The following TBL1X variants were observed in gnomAD, a reference collection of about 807,000 sequenced individuals.
TBL1X encodes F-box-like/WD repeat-containing protein TBL1X.
In TBL1X, 10 loss-of-function variants were observed where a neutral mutation model predicts 50.7. The observed-to-expected ratio is 0.20, with a 90% confidence interval of 0.12 to 0.33. TBL1X has a LOEUF of 0.33. Among genes scored for constraint, TBL1X ranks in the 10% least tolerant of loss-of-function variants. The pLI, the probability that TBL1X is intolerant of heterozygous loss-of-function variation, is 1.00. For synonymous variants in TBL1X, 190 were observed against 214.7 expected, an observed-to-expected ratio of 0.88 and a Z score of 1.01; for missense variants, 340 against 504.4, an observed-to-expected ratio of 0.67 and a Z score of 3.12.
In TBL1X at chrX:9,709,441, C is replaced by T. The variant is rs879022542; in HGVS notation, c.1311+119C>T. 3.1e-6 allele frequency: 3 copies of T among 979,350 alleles called. No individual in the cohort carries two copies. In the South Asian group the frequency reaches 6.7e-5, roughly 22 times the overall value. The allele number at this position is 979,350 out of a possible 1,213,427, so 80.7% of individuals were successfully genotyped here. ...TTATTACTGACCACCCTCCCTTCCTCTGTCATCCGGTGAGCTACGATTTCT... is the reference window on the plus strand; with the variant it reads ...TTATTACTGACCACCCTCCCTTCCTTTGTCATCCGGTGAGCTACGATTTCT... On this transcript the variant is annotated intron_variant, in intron 14 of 17. Transcript: ENST00000645353.
At chrX:9,545,467 A>G (rs1164600651) in intron 2 of TBL1X, among the ~76,000 whole-genome samples, 1 of 108,589 alleles carries the variant, frequency 9.2e-6, no homozygotes, top group African/African-American at 3.4e-5. Context: ...GGATTGCTTG[A>G]GCCCAGGAGT....
chrX:9,653,108 T>C (rs1257581647), intron 3 of TBL1X, among the ~76,000 whole-genome samples: 1 of 112,515 alleles, frequency 8.9e-6, no homozygotes, highest in Non-Finnish European at 1.9e-5. Context: ...GAGGATGCAG[T>C]GAGCTGAGAT....
chrX:9,624,214 C>G (rs1176606227), intron 2 of TBL1X, among the ~76,000 whole-genome samples: 2 of 112,463 alleles, frequency 1.8e-5, no homozygotes, highest in Non-Finnish European at 3.8e-5. Flanking sequence ...ATGTAAATGT[C>G]ATAACTGCAG....
At chrX:9,557,525 G>A (rs1051386736) in intron 2 of TBL1X, among the ~76,000 whole-genome samples, 11 of 111,002 alleles carry the variant, frequency 9.9e-5, no homozygotes, top group Admixed American at 9.6e-5. Flanking sequence ...ACCAGGAGAG[G>A]GATGGGAGAG....
chrX:9,508,931 G>C (rs1244949960), intron 2 of TBL1X, among the ~76,000 whole-genome samples: 1 of 109,775 alleles, frequency 9.1e-6, no homozygotes, highest in Non-Finnish European at 1.9e-5. Context: ...ACCAGGGCCT[G>C]TTGGGGAGTG....
chrX:9,719,061 C>T lies in TBL1X; in HGVS notation c.*2815C>T, dbSNP rs961576733. 8.9e-6 allele frequency: 1 copy of T among 112,326 alleles called. No individual in the cohort carries two copies. Among genetic ancestry groups the T allele is most frequent in the African/African-American group, 3.2e-5 (1 of 30,831 alleles). 9.3% of individuals were successfully genotyped at this position (112,326 alleles called of 1,213,427 possible). A position where few individuals can be genotyped will look rare whatever the true frequency, so the allele number is the denominator to read the frequency against. On this transcript the variant is annotated 3_prime_UTR_variant, in exon 18 of 18. Transcript: ENST00000645353. ...TGGCCTGTGGAATGTTATTGTTCAA[C>T]GTTGTTTACAGCTCTTAAAACATGG...
intron 2 of TBL1X, among the ~76,000 whole-genome samples, chrX:9,615,744 G>A (rs1307672593): frequency 1.8e-5 from 2 of 111,944 alleles, no homozygotes; most frequent in South Asian, 3.8e-4. Context: ...CCCATCCTTG[G>A]CCAGAGATGA....
intron 1 of TBL1X, among the ~76,000 whole-genome samples, chrX:9,479,910 T>C (rs1452304031): frequency 1.1e-5 from 1 of 91,471 alleles, no homozygotes; most frequent in Admixed American, 1.2e-4. Context: ...GAAACAGTTT[T>C]ACATGCAAGG....
chrX:9,468,727 G>A (rs1430861958), intron 1 of TBL1X, among the ~76,000 whole-genome samples: 1 of 110,601 alleles, frequency 9.0e-6, no homozygotes, highest in African/African-American at 3.3e-5. Flanking sequence ...GAGGAGGTGG[G>A]TAGGAGTATA....
At position 9,692,373 on chromosome X, in the gene TBL1X, C is replaced by T. The variant is rs1296355647; in HGVS notation, c.891+119C>T. ...GAGGCAGGTGGTCCTGTGTGCTCAGCCCCCACTCTGATGGGCTGCCAGAGA... is the reference window on the plus strand; with the variant it reads ...GAGGCAGGTGGTCCTGTGTGCTCAGTCCCCACTCTGATGGGCTGCCAGAGA... On this transcript the variant is annotated intron_variant, in intron 9 of 17. Coordinates refer to ENST00000645353, the MANE Select transcript of TBL1X (RefSeq NM_005647.4). 3 of 917,814 alleles carry T rather than the reference C, an allele frequency of 3.3e-6. No individual in the cohort carries two copies. In the Admixed American group the frequency reaches 1.1e-4, roughly 34 times the overall value. 75.6% of individuals were successfully genotyped at this position (917,814 alleles called of 1,213,427 possible). A position where few individuals can be genotyped will look rare whatever the true frequency, so the allele number is the denominator to read the frequency against.
intron 5 of TBL1X, among the ~76,000 whole-genome samples, chrX:9,660,840 T>C (rs750780018): frequency 3.6e-5 from 4 of 112,507 alleles, no homozygotes; most frequent in Non-Finnish European, 7.5e-5. Flanking sequence ...GGATAGTTGC[T>C]ATGGTCCCAA....
intron 2 of TBL1X, among the ~76,000 whole-genome samples, chrX:9,506,753 T>C (rs1485219731): frequency 1.8e-5 from 2 of 112,003 alleles, no homozygotes; most frequent in East Asian, 5.6e-4. Context: ...GTTGAATCTC[T>C]GAATAGACCA....
intron 5 of TBL1X, among the ~76,000 whole-genome samples, chrX:9,677,438 A>G (rs2083001074): frequency 9.1e-6 from 1 of 109,767 alleles, no homozygotes; most frequent in African/African-American, 3.3e-5. Context: ...TCATAGAGCT[A>G]GACCAACAAC....
intron 5 of TBL1X, among the ~76,000 whole-genome samples, chrX:9,680,593 C>T (rs2083019648): frequency 9.0e-6 from 1 of 111,332 alleles, no homozygotes; most frequent in Non-Finnish European, 1.9e-5. Flanking sequence ...TGCTTGCCTT[C>T]ATGAGACCAC....
chrX:9,650,930 C>G (rs1257447954), intron 3 of TBL1X, among the ~76,000 whole-genome samples: 1 of 105,048 alleles, frequency 9.5e-6, no homozygotes, highest in Non-Finnish European at 1.9e-5. Context: ...TATCTACCGT[C>G]TTTCACAAAT....
At chrX:9,476,838 AAATC>A (rs1275248543) in intron 1 of TBL1X, among the ~76,000 whole-genome samples, 1 of 112,711 alleles carries the variant, frequency 8.9e-6, no homozygotes, top group Non-Finnish European at 1.9e-5. Flanking sequence ...AATAAAAATC[AAATC>A]AATTTTAGTT....
At chrX:9,582,844 G>A (rs1022168996) in intron 2 of TBL1X, among the ~76,000 whole-genome samples, 1 of 112,059 alleles carries the variant, frequency 8.9e-6, no homozygotes, top group African/African-American at 3.2e-5. Flanking sequence ...AGAATATCTT[G>A]GTATATTCCT....
chrX:9,590,186 G>C (rs2082492435), intron 2 of TBL1X, among the ~76,000 whole-genome samples: 1 of 111,423 alleles, frequency 9.0e-6, no homozygotes, highest in Admixed American at 9.5e-5. Flanking sequence ...CGGTGAAATT[G>C]GGTAAGTCTG....
At chrX:9,532,060 G>A (rs2082164967) in intron 2 of TBL1X, among the ~76,000 whole-genome samples, 1 of 111,539 alleles carries the variant, frequency 9.0e-6, no homozygotes, top group Admixed American at 9.5e-5. Context: ...TTTAAAATCA[G>A]TGCTGTCTGT....
Sources: allele counts gnomAD v4.1 joint callset (sites outside exome capture counted in the v4.1 genomes callset), GRCh38; gene constraint gnomAD v4.1.1; transcripts MANE v1.5; gene names NCBI Gene and HGNC (gene_info 2026-07-23, HGNC 2026-07-21).